Variants in FGGY observed in about 807,000 individuals in gnomAD.
FGGY encodes the protein FGGY carbohydrate kinase domain-containing protein.
A neutral mutation model predicts 71.3 loss-of-function variants in FGGY; 72 were observed. That is an observed-to-expected ratio of 1.01 (90% CI 0.84 to 1.23). The LOEUF (loss-of-function observed/expected upper bound fraction) is 1.23. Ranked by LOEUF, FGGY falls within the 50% of genes most tolerant of loss-of-function variation. The probability of loss-of-function intolerance (pLI) is 0.00; values close to 1 mark genes in which losing one functional copy is unlikely to be tolerated. For missense variants in FGGY, 668 were observed against 682.3 expected (o/e 0.98, Z 0.23); for synonymous variants, 251 against 250.3 (o/e 1.00, Z -0.02).
chr1:59,609,659 T>C (rs1377985045), intron 9 of FGGY, among the ~76,000 whole-genome samples: 1 of 152,254 alleles, frequency 6.6e-6, no homozygotes, highest in Non-Finnish European at 1.5e-5. Context: ...CCAACTCTTC[T>C]AAATGTTCAG....
chr1:59,597,005 C>T (rs546961345), intron 8 of FGGY, among the ~76,000 whole-genome samples: 13 of 152,148 alleles, frequency 8.5e-5, no homozygotes. Flanking sequence ...TTGATAAACA[C>T]CTCTCAGTTC....
At chr1:59,562,548 CT>C (rs1424065058) in intron 8 of FGGY, among the ~76,000 whole-genome samples, 1 of 152,144 alleles carries the variant, frequency 6.6e-6, no homozygotes, top group African/African-American at 2.4e-5. Flanking sequence ...CCCTGCCCAG[CT>C]TTTATAGAAA....
chr1:59,535,895 T>C (rs1162012420), intron 7 of FGGY, among the ~76,000 whole-genome samples: 1 of 145,728 alleles, frequency 6.9e-6, no homozygotes, highest in African/African-American at 2.7e-5. Context: ...GATCCAAAAT[T>C]GACACCGTAA....
Position 59,321,621 on chromosome 1 carries a change from A to G in FGGY, c.72A>G (p.Ala24=). The change falls in exon 2 of 16, where the codon GCA becomes GCG. Residue 24 remains alanine (A), a synonymous_variant. Transcript: ENST00000303721. ...ACGTTGGAACAGGCAGTGTCCGTGCAGCTCTGGTGGACCAGAGTGGGGTCC... is the reference window on the plus strand; with the variant it reads ...ACGTTGGAACAGGCAGTGTCCGTGCGGCTCTGGTGGACCAGAGTGGGGTCC... ...GVDVGTGSVR[A]ALVDQSGVLL... The G allele has an allele frequency of 6.2e-7, 1 of 1,613,962 alleles. No individual in the cohort carries two copies. The highest frequency in any genetic ancestry group is 8.5e-7 in the Non-Finnish European group (1 of 1,179,868).
At chr1:59,322,973 T>C (rs926552030) in intron 2 of FGGY, among the ~76,000 whole-genome samples, 1 of 152,180 alleles carries the variant, frequency 6.6e-6, no homozygotes, top group South Asian at 2.1e-4. Context: ...GTTTAAACTT[T>C]AATGAATTCT....
At chr1:59,698,481 C>G (rs1199589862) in intron 14 of FGGY, among the ~76,000 whole-genome samples, 1 of 152,048 alleles carries the variant, frequency 6.6e-6, no homozygotes, top group Non-Finnish European at 1.5e-5. Flanking sequence ...CTATAATGCT[C>G]TGGGAATCAG....
At chr1:59,392,739 A>C (rs2060845368) in intron 5 of FGGY, among the ~76,000 whole-genome samples, 1 of 151,976 alleles carries the variant, frequency 6.6e-6, no homozygotes, top group African/African-American at 2.4e-5. Flanking sequence ...CCTTCTTTTA[A>C]AATTTTTCTT....
intron 10 of FGGY, among the ~76,000 whole-genome samples, chr1:59,636,540 G>A (rs531538521): frequency 7.9e-5 from 12 of 152,154 alleles, no homozygotes; most frequent in Non-Finnish European, 1.6e-4. Flanking sequence ...GGAGAATGGC[G>A]TGAACCCGGG....
At chr1:59,544,248 A>G (rs1387299533) in intron 7 of FGGY, among the ~76,000 whole-genome samples, 2 of 152,252 alleles carry the variant, frequency 1.3e-5, no homozygotes, top group East Asian at 3.8e-4. Flanking sequence ...ACAGTTAAAC[A>G]TGAGTATTTT....
intron 2 of FGGY, among the ~76,000 whole-genome samples, chr1:59,322,789 T>A (rs919908048): frequency 6.6e-6 from 1 of 152,206 alleles, no homozygotes; most frequent in African/African-American, 2.4e-5. Context: ...CTGTTTGATT[T>A]TATGTCTTGG....
At chr1:59,308,535 A>G (rs974546130) in intron 1 of FGGY, among the ~76,000 whole-genome samples, 2 of 152,198 alleles carry the variant, frequency 1.3e-5, no homozygotes, top group African/African-American at 2.4e-5. Flanking sequence ...CTTTTATGAT[A>G]GGTCTTTATA....
chr1:59,369,514 C>T (rs1003803606), intron 4 of FGGY, among the ~76,000 whole-genome samples: 6 of 152,222 alleles, frequency 3.9e-5, no homozygotes, highest in Admixed American at 1.3e-4. Context: ...CAGCAGTAAC[C>T]TCTGCAGACT....
At chr1:59,373,837 G>C (rs2058159293) in intron 4 of FGGY, among the ~76,000 whole-genome samples, 1 of 152,198 alleles carries the variant, frequency 6.6e-6, no homozygotes, top group African/African-American at 2.4e-5. Context: ...ATGGTGCTGG[G>C]AAAACTGGCT....
In FGGY at chr1:59,302,267, G is replaced by A. The variant is rs185128413; in HGVS notation, c.-15+5117G>A. Among the ~76,000 whole-genome samples, 607 of 151,834 alleles carry A rather than the reference G, an allele frequency of 4.0e-3. 6 individuals carry two copies. Among genetic ancestry groups the A allele is most frequent in the Non-Finnish European group, 7.0e-3 (473 of 67,934 alleles). On this transcript the variant is annotated intron_variant, in intron 1 of 15. Coordinates refer to ENST00000303721, the MANE Select transcript of FGGY (RefSeq NM_018291.5). ...GTATCAGCTAAATACCTGACCTCTC[G>A]GTAAATCTGGCCTCGTAGAATGAAT...
intron 4 of FGGY, among the ~76,000 whole-genome samples, chr1:59,362,207 A>C (rs1208041754): frequency 1.4e-5 from 2 of 140,224 alleles, no homozygotes; most frequent in African/African-American, 2.6e-5. Flanking sequence ...TCTCCTATTT[A>C]ATTTTTCTTG....
intron 5 of FGGY, among the ~76,000 whole-genome samples, chr1:59,430,012 C>T (rs1173737491): frequency 6.6e-6 from 1 of 152,152 alleles, no homozygotes; most frequent in African/African-American, 2.4e-5. Flanking sequence ...CTAAATGGTG[C>T]CTAAGTCAAA....
intron 6 of FGGY, among the ~76,000 whole-genome samples, chr1:59,463,431 T>G (rs1283324554): frequency 6.6e-6 from 1 of 152,148 alleles, no homozygotes; most frequent in Non-Finnish European, 1.5e-5. Context: ...AGACCATCGA[T>G]GCTAGGAAGC....
At chr1:59,325,054 C>G (rs1034249040) in intron 2 of FGGY, among the ~76,000 whole-genome samples, 12 of 152,192 alleles carry the variant, frequency 7.9e-5, no homozygotes, top group Non-Finnish European at 1.6e-4. Context: ...CCAACTCCCA[C>G]CTTATAAAGT....
chr1:59,536,143 G>A (rs1202322658), intron 7 of FGGY, among the ~76,000 whole-genome samples: 1 of 151,272 alleles, frequency 6.6e-6, no homozygotes, highest in East Asian at 1.9e-4. Flanking sequence ...ATGATAAAGG[G>A]GATATCACCA....
Sources: gnomAD v4.1 joint callset for allele counts (sites outside exome capture counted in the v4.1 genomes callset) on GRCh38, gnomAD v4.1.1 for gene constraint, MANE v1.5 for transcripts, NCBI Gene and HGNC (gene_info 2026-07-23, HGNC 2026-07-21) for gene names.